DDR2: variants seen among roughly 807,000 people sequenced by gnomAD.
DDR2 encodes the protein discoidin domain-containing receptor 2.
DDR2 carries 27 observed loss-of-function variants against 94.9 expected under a neutral mutation model. The observed-to-expected ratio is 0.28, with a 90% CI of 0.21 to 0.39. The LOEUF (loss-of-function observed/expected upper bound fraction) is 0.39. Among genes scored for constraint, DDR2 ranks in the 10% least tolerant of loss-of-function variants. DDR2 has a pLI of 1.00. For missense variants in DDR2, 783 were observed against 1,076.0 expected (o/e 0.73, Z 3.81); for synonymous variants, 382 against 377.2 (o/e 1.01, Z -0.15).
intron 2 of DDR2, among the ~76,000 whole-genome samples, chr1:162,676,965 G>A (rs891926528): frequency 6.6e-6 from 1 of 152,172 alleles, no homozygotes; most frequent in Non-Finnish European, 1.5e-5. Context: ...CCCTTCCTAT[G>A]AGAAATAAAA....
At position 162,765,984 on chromosome 1, in the gene DDR2, C is replaced by A. The variant is rs771115648; in HGVS notation, c.1100-17C>A. On this transcript the variant is annotated splice_polypyrimidine_tract_variant and intron_variant, in intron 9 of 17. Transcript: ENST00000367921. Reference sequence around the variant, plus strand: ...CTGTCTTCTCCCTGGCTCTGACTCACCCTTGTTTTATAACAGATGCTGCAA... The same window carrying A: ...CTGTCTTCTCCCTGGCTCTGACTCAACCTTGTTTTATAACAGATGCTGCAA... The A allele has an allele frequency of 6.2e-7, 1 of 1,613,696 alleles. No homozygotes were observed. The highest frequency in any genetic ancestry group is 8.5e-7 in the Non-Finnish European group (1 of 1,179,948).
At chr1:162,703,463 A>G (rs1349743348) in intron 2 of DDR2, among the ~76,000 whole-genome samples, 2 of 152,204 alleles carry the variant, frequency 1.3e-5, no homozygotes, top group Non-Finnish European at 2.9e-5. Context: ...GGTGTGTGCC[A>G]GAGCACTGTT....
intron 2 of DDR2, among the ~76,000 whole-genome samples, chr1:162,665,366 C>T (rs1284213601): frequency 6.6e-6 from 1 of 152,140 alleles, no homozygotes. Context: ...CCTTGCAGTG[C>T]TACAGCTGAG....
intron 8 of DDR2, among the ~76,000 whole-genome samples, chr1:162,760,849 G>A (rs549814796): frequency 7.9e-5 from 12 of 151,702 alleles, no homozygotes; most frequent in East Asian, 1.9e-4. Flanking sequence ...GAACTCTCTC[G>A]AGTCTATAAT....
chr1:162,678,842 T>A (rs1039404283), intron 2 of DDR2, among the ~76,000 whole-genome samples: 2 of 152,168 alleles, frequency 1.3e-5, no homozygotes, highest in Non-Finnish European at 2.9e-5. Flanking sequence ...TGGCACTCAG[T>A]GGAGTCAGAG....
intron 2 of DDR2, among the ~76,000 whole-genome samples, chr1:162,690,790 G>C (rs954733237): frequency 1.3e-5 from 2 of 152,180 alleles, no homozygotes; most frequent in African/African-American, 4.8e-5. Flanking sequence ...GCCTGTTCCT[G>C]AGGAGATTCT....
intron 2 of DDR2, among the ~76,000 whole-genome samples, chr1:162,703,668 A>G (rs1190071598): frequency 2.0e-5 from 3 of 152,182 alleles, no homozygotes; most frequent in Admixed American, 6.6e-5. Context: ...ATAAAGAGAG[A>G]TACTATCTTC....
At chr1:162,725,945 T>C (rs1484937161) in intron 3 of DDR2, among the ~76,000 whole-genome samples, 1 of 152,136 alleles carries the variant, frequency 6.6e-6, no homozygotes, top group African/African-American at 2.4e-5. Context: ...GAAACTGAGG[T>C]TTAGGGAGAT....
intron 2 of DDR2, among the ~76,000 whole-genome samples, chr1:162,701,825 C>T (rs1253947220): frequency 2.0e-5 from 3 of 152,178 alleles, no homozygotes; most frequent in Non-Finnish European, 4.4e-5. Context: ...GACTGGAGTT[C>T]TGTTGTATGA....
At chr1:162,637,372 G>A (rs919610504) in intron 1 of DDR2, among the ~76,000 whole-genome samples, 7 of 151,864 alleles carry the variant, frequency 4.6e-5, no homozygotes, top group Non-Finnish European at 8.8e-5. Context: ...GCCATAAATA[G>A]GACCCCAAAT....
chr1:162,683,703 A>G (rs1431269601), intron 2 of DDR2, among the ~76,000 whole-genome samples: 6 of 152,136 alleles, frequency 3.9e-5, no homozygotes, highest in Non-Finnish European at 8.8e-5. Context: ...GGCTACAAAG[A>G]CTGATGAAAG....
In DDR2 at chr1:162,775,770, A is replaced by G; in HGVS notation, c.1975A>G (p.Asn659Asp). ...PLCMITEYME[N>D]GDLNQFLSRH... is the part of the protein sequence containing the mutation. ...CTGTATGATCACTGAATACATGGAG[A>G]ATGGAGATCTCAATCAGTTTCTTTC... Residue 659 changes from asparagine to aspartate, a missense_variant, in exon 15 of 18, where the codon AAT becomes GAT. Coordinates refer to ENST00000367921, the MANE Select transcript of DDR2 (RefSeq NM_006182.4). 1.2e-6 allele frequency: 2 copies of G among 1,614,044 alleles called. No individual in the cohort carries two copies. The highest frequency in any genetic ancestry group is 1.7e-6 in the Non-Finnish European group (2 of 1,180,004).
chr1:162,689,842 T>G (rs11579218), intron 2 of DDR2, among the ~76,000 whole-genome samples: 42 of 10,926 alleles, frequency 3.8e-3, no homozygotes, highest in African/African-American at 7.7e-3. Flanking sequence ...CATCTCTACT[T>G]AAAAAAAAAA....
At chr1:162,741,741 T>C (rs1662624279) in intron 3 of DDR2, 1 of 985,286 alleles carries the variant, frequency 1.0e-6, no homozygotes, top group South Asian at 4.7e-5. Flanking sequence ...TATTAGTAGC[T>C]GGGCTTGGGT....
chr1:162,686,109 T>G lies in DDR2; in HGVS notation c.-28+30735T>G, dbSNP rs150623820. 5.4e-3 allele frequency among the ~76,000 whole-genome samples: 830 copies of G among 152,322 alleles called. 7 individuals are homozygous for G. Among genetic ancestry groups the G allele is most frequent in the African/African-American group, 0.019 (794 of 41,572 alleles). On this transcript the variant is annotated intron_variant, in intron 2 of 17. Transcript: ENST00000367921. ...GGCTTGATCTTGGCTCACTGCAACC[T>G]CCGCCTCTTGGGTTCAAGCGATTCT...
At chr1:162,699,032 A>G (rs1660313065) in intron 2 of DDR2, among the ~76,000 whole-genome samples, 1 of 152,128 alleles carries the variant, frequency 6.6e-6, no homozygotes, top group African/African-American at 2.4e-5. Context: ...ATTCTCTGGG[A>G]CTTACGCTTA....
intron 3 of DDR2, among the ~76,000 whole-genome samples, chr1:162,741,268 A>G (rs4038291): frequency 0.66 from 47,653 of 72,510 alleles, 14,820 homozygotes; most frequent in East Asian, 0.73. Flanking sequence ...GTAATGTAAT[A>G]TAATATAATA....
chr1:162,725,522 G>A (rs1434206824), intron 3 of DDR2, among the ~76,000 whole-genome samples: 2 of 152,194 alleles, frequency 1.3e-5, no homozygotes, highest in East Asian at 3.8e-4. Context: ...GGGACTACAG[G>A]CATGCGCCAC....
chr1:162,729,656 T>A (rs1023866968), intron 3 of DDR2, among the ~76,000 whole-genome samples: 16 of 151,294 alleles, frequency 1.1e-4, no homozygotes. Context: ...AATCAACAAA[T>A]GTTTGATGAA....
Sources: allele counts gnomAD v4.1 joint callset (sites outside exome capture counted in the v4.1 genomes callset), GRCh38; gene constraint gnomAD v4.1.1; transcripts MANE v1.5; gene names NCBI Gene and HGNC (gene_info 2026-07-23, HGNC 2026-07-21).